Variants in MTERF4 observed in about 807,000 individuals in gnomAD.
The protein encoded by MTERF4 is mitochondrial transcription termination factor 4, also known as transcription termination factor 4, mitochondrial.
Under a neutral mutation model 22.5 loss-of-function variants are expected in MTERF4, and 17 were observed. The ratio of observed to expected loss-of-function variants is 0.75; its 90% CI spans 0.52 to 1.13. MTERF4 has a LOEUF of 1.13. Ranked by LOEUF, MTERF4 falls within the 50% of genes most tolerant of loss-of-function variation. The pLI, the probability that MTERF4 is intolerant of heterozygous loss-of-function variation, is 0.00. For synonymous variants in MTERF4, 165 were observed against 175.3 expected (o/e 0.94, Z 0.47); for missense variants, 420 against 466.8 (o/e 0.90, Z 0.92).
the MTERF4 span, chr2:241,048,723 C>T: frequency 1.2e-6 from 2 of 1,612,988 alleles, no homozygotes; most frequent in Non-Finnish European, 1.7e-6. Context: ...ACACCACCCT[C>T]TGCCAGTGCC....
At chr2:241,072,458 C>T in exon 5 of MTERF4, 1 of 354,500 alleles carries the variant, frequency 2.8e-6, no homozygotes, top group South Asian at 2.1e-5. Flanking sequence ...CGACCCTGCC[C>T]CAGAGGGGAC....
At chr2:241,086,711 CTT>C (rs1227904723), downstream of MTERF4, among the ~76,000 whole-genome samples, 2 of 152,328 alleles carry the variant, frequency 1.3e-5, no homozygotes, top group East Asian at 3.9e-4. Context: ...TTCTATGAGA[CTT>C]AGCATATGAG....
At chr2:241,078,109 G>A (rs1270973576) in intron 4 of MTERF4, among the ~76,000 whole-genome samples, 2 of 152,200 alleles carry the variant, frequency 1.3e-5, no homozygotes, top group Non-Finnish European at 2.9e-5. Context: ...AAGTGGCCGG[G>A]CGCGGTGGCT....
downstream of MTERF4, among the ~76,000 whole-genome samples, chr2:241,083,399 A>T (rs2125312611): frequency 6.9e-6 from 1 of 144,672 alleles, no homozygotes; most frequent in East Asian, 2.1e-4. Flanking sequence ...AATGGGGAGG[A>T]GCTACTGAAG....
At chr2:241,070,278 CTGCAGGGGCCTGGGA>C, downstream of MTERF4, 1 of 1,423,610 alleles carries the variant, frequency 7.0e-7, no homozygotes, top group East Asian at 2.5e-5. Flanking sequence ...TGACCTGGCC[CTGCAGGGGCCTGGGA>C]TGCCAGGCAG....
the MTERF4 span, chr2:241,064,163 C>T: frequency 4.3e-6 from 6 of 1,394,724 alleles, no homozygotes; most frequent in South Asian, 2.6e-5. This position sits in a 1 kb window ranked among gnomAD's most constrained non-coding sequence, Gnocchi z 7.0. Context: ...GCCCTCTGCC[C>T]GCCTGCTCCC....
At chr2:241,069,274 C>T (rs2062598231), downstream of MTERF4, among the ~76,000 whole-genome samples, 1 of 152,194 alleles carries the variant, frequency 6.6e-6, no homozygotes, top group African/African-American at 2.4e-5. The surrounding 1 kb of genome is among the most constrained non-coding windows in gnomAD (Gnocchi z 4.9). Flanking sequence ...GCATGGAGTT[C>T]CTACTGGACA....
downstream of MTERF4, among the ~76,000 whole-genome samples, chr2:241,069,436 A>G (rs1559292640): frequency 6.6e-6 from 1 of 152,174 alleles, no homozygotes; most frequent in Admixed American, 6.5e-5. The surrounding 1 kb of genome is among the most constrained non-coding windows in gnomAD (Gnocchi z 4.9). Context: ...GAGGGGTGAC[A>G]GCATGGACAG....
the MTERF4 span, chr2:241,065,047 G>A: frequency 9.7e-7 from 1 of 1,032,984 alleles, no homozygotes; most frequent in East Asian, 2.6e-5. Context: ...AGAGCGTCTG[G>A]CCGCTGCTTG....
At chr2:241,094,418 T>C, downstream of MTERF4, 1 of 471,306 alleles carries the variant, frequency 2.1e-6, no homozygotes, top group Middle Eastern at 3.3e-4. This position sits in a 1 kb window ranked among gnomAD's most constrained non-coding sequence, Gnocchi z 4.3. Flanking sequence ...GCAGTCACGC[T>C]GTAAGACGAG....
chr2:241,063,636 G>C, the MTERF4 span: 1 of 1,612,448 alleles, frequency 6.2e-7, no homozygotes. Context: ...GGTCCTGCAG[G>C]AACCTCCCAG....
downstream of MTERF4, among the ~76,000 whole-genome samples, chr2:241,068,686 G>T (rs906265754): frequency 6.6e-6 from 1 of 152,038 alleles, no homozygotes; most frequent in African/African-American, 2.4e-5. This position sits in a 1 kb window ranked among gnomAD's most constrained non-coding sequence, Gnocchi z 5.3. Context: ...AGCCCCAAGC[G>T]CACCCGATCC....
the MTERF4 span, chr2:241,064,791 G>A: frequency 2.3e-6 from 3 of 1,332,810 alleles, no homozygotes; most frequent in Non-Finnish European, 3.0e-6. The surrounding 1 kb of genome is among the most constrained non-coding windows in gnomAD (Gnocchi z 7.0). Flanking sequence ...CGGGGCTGGA[G>A]CAGGGACCCC....
At chr2:241,079,476 A>G (rs2063219981) in intron 4 of MTERF4, among the ~76,000 whole-genome samples, 1 of 152,130 alleles carries the variant, frequency 6.6e-6, no homozygotes, top group Non-Finnish European at 1.5e-5. Context: ...TGTGTAGGAA[A>G]ATGGAGAAGG....
At chr2:241,067,664 G>A (rs146651520), downstream of MTERF4, 3,081 of 943,154 alleles carry the variant, frequency 3.3e-3, 12 homozygotes, top group Non-Finnish European at 4.1e-3. Context: ...GCCTCTCTGT[G>A]GCCCCCAGCA....
chr2:241,096,924 A>G lies in MTERF4; in HGVS notation c.705+319T>C, dbSNP rs2064460667. ...TAGCTATTTCAGAGTCCCCACTTAGACTCTAAGAATAGGACTGGATCATTC... is the reference window on the plus strand; with the variant it reads ...TAGCTATTTCAGAGTCCCCACTTAGGCTCTAAGAATAGGACTGGATCATTC... On this transcript the variant is annotated intron_variant, in intron 3 of 3. Coordinates refer to ENST00000391980, the MANE Select transcript of MTERF4 (RefSeq NM_182501.4). The surrounding 1 kb of genome is among the most constrained non-coding windows in gnomAD (Gnocchi z 5.1). 1 of 590,304 alleles carries G rather than the reference A, an allele frequency of 1.7e-6. No homozygotes were observed. The highest frequency in any genetic ancestry group is 2.8e-5 in the East Asian group (1 of 35,506). The allele number at this position is 590,304 out of a possible 1,614,324, so 36.6% of individuals were successfully genotyped here. A position where few individuals can be genotyped will look rare whatever the true frequency, so the allele number is the denominator to read the frequency against.
chr2:241,094,573 T>C (rs1229159228), downstream of MTERF4: 1 of 361,846 alleles, frequency 2.8e-6, no homozygotes, highest in African/African-American at 2.1e-5. The surrounding 1 kb of genome is among the most constrained non-coding windows in gnomAD (Gnocchi z 4.3). Context: ...TTAAATAAAA[T>C]AATACGATCC....
At chr2:241,069,583 G>A (rs1424887301), downstream of MTERF4, among the ~76,000 whole-genome samples, 1 of 152,244 alleles carries the variant, frequency 6.6e-6, no homozygotes, top group East Asian at 1.9e-4. This position sits in a 1 kb window ranked among gnomAD's most constrained non-coding sequence, Gnocchi z 4.9. Flanking sequence ...AAGGCTGGTG[G>A]GGCAGGGGAG....
At chr2:241,099,298 C>T in intron 2 of MTERF4, 98 bp downstream of exon 2, 1 of 1,355,586 alleles carries the variant, frequency 7.4e-7, no homozygotes, top group Non-Finnish European at 1.0e-6. Context: ...TGATCTTGAA[C>T]CCCTGACCTC....
Sources: gnomAD v4.1 joint callset for allele counts (sites outside exome capture counted in the v4.1 genomes callset) on GRCh38, gnomAD v4.1.1 for gene constraint, Gnocchi (gnomAD v3.1) non-coding constraint, MANE v1.5 for transcripts, NCBI Gene and HGNC (gene_info 2026-07-23, HGNC 2026-07-21) for gene names.